The following ATM variants were observed in gnomAD, a reference collection of about 807,000 sequenced individuals.
ATM encodes ATM serine/threonine kinase, also known as serine-protein kinase ATM.
In ATM, 308 loss-of-function variants were observed where a neutral mutation model predicts 387.0. That is an observed-to-expected ratio of 0.80 (90% CI 0.73 to 0.87). The LOEUF is 0.87. ATM is among the 40% of genes least tolerant of loss of function. The pLI, the probability that ATM is intolerant of heterozygous loss-of-function variation, is 0.00. For missense variants in ATM, 3,312 were observed against 3,560.9 expected (o/e 0.93, Z 1.78); for synonymous variants, 1,156 against 1,187.3 (o/e 0.97, Z 0.54).
intron 31 of ATM, among the ~76,000 whole-genome samples, chr11:108,293,887 A>AT (rs1346550591): frequency 0.02 from 2,164 of 110,452 alleles, 25 homozygotes; most frequent in Admixed American, 0.039. Flanking sequence ...CAAAAAAAAA[A>AT]AAAAAAAATA....
At chr11:108,293,117 C>T (rs1409104486) in intron 30 of ATM, among the ~76,000 whole-genome samples, 196 bp from the exon 31 acceptor site, 1 of 152,052 alleles carries the variant, frequency 6.6e-6, no homozygotes, top group South Asian at 2.1e-4. Flanking sequence ...CCTCAGTACC[C>T]ATCTTGTAGT....
intron 47 of ATM, 106 bp from the exon 48 acceptor site, chr11:108,327,539 A>G: frequency 1.1e-6 from 1 of 896,052 alleles, no homozygotes; most frequent in East Asian, 2.7e-5. Context: ...TTTCCCACCC[A>G]CCAAGGAAAA....
At chr11:108,294,901 A>T (rs2135832645) in intron 31 of ATM, 26 bp from the exon 32 acceptor site, 1 of 1,612,944 alleles carries the variant, frequency 6.2e-7, no homozygotes, top group South Asian at 1.1e-5. Flanking sequence ...ATACGTGTTA[A>T]AAGCAAGTTA....
At chr11:108,359,181 G>T (rs2090405533) in intron 61 of ATM, among the ~76,000 whole-genome samples, 1 of 150,918 alleles carries the variant, frequency 6.6e-6, no homozygotes, top group African/African-American at 2.4e-5. Flanking sequence ...AACCAACAAA[G>T]ATCAAAAGAA....
chr11:108,244,801 T>C lies in ATM; in HGVS notation c.676T>C (p.Ser226Pro), dbSNP rs2135237106. ...AIQCARQEKS[S>P]SGLNHILAAL... Reference sequence around the variant, plus strand: ...GTTTCTTCACAGACAAGAAAAGAGCTCTTCAGGTCTAAATCATATCTTAGC... The same window carrying C: ...GTTTCTTCACAGACAAGAAAAGAGCCCTTCAGGTCTAAATCATATCTTAGC... The change falls in exon 7 of 63, where the codon TCT (serine) becomes CCT (proline). Residue 226 changes from serine (S) to proline (P), a missense_variant. Ser to Pro is a moderately conservative substitution (Grantham distance 74). This residue lies in a region of ATM where 1,791 missense variants were observed against 1,804.5 expected (regional missense o/e 0.99). Transcript: ENST00000675843. 1.9e-6 allele frequency: 3 copies of C among 1,613,538 alleles called. No individual in the cohort carries two copies. Among genetic ancestry groups the C allele is most frequent in the Non-Finnish European group, 2.5e-6 (3 of 1,179,714 alleles).
chr11:108,303,157 G>C, intron 36 of ATM, 128 bp downstream of exon 36: 1 of 990,168 alleles, frequency 1.0e-6, no homozygotes, highest in South Asian at 1.6e-5. Context: ...TTATTAAAGT[G>C]AGCATCCGTA....
intron 26 of ATM, among the ~76,000 whole-genome samples, chr11:108,285,151 G>C (rs763252302): frequency 6.6e-6 from 1 of 151,980 alleles, no homozygotes; most frequent in East Asian, 1.9e-4. Context: ...GTAGAGACGG[G>C]GTTTCACCAT....
At chr11:108,329,283 CTGAG>C (rs1277314480) in intron 49 of ATM, 45 bp downstream of exon 49, 15 of 1,513,966 alleles carry the variant, frequency 9.9e-6, no homozygotes, top group East Asian at 7.0e-5. Context: ...CACCAGTTAA[CTGAG>C]TGAGTGTTTT....
chr11:108,232,267 T>C (rs1308841588), intron 4 of ATM, among the ~76,000 whole-genome samples: 1 of 152,240 alleles, frequency 6.6e-6, no homozygotes, highest in Non-Finnish European at 1.5e-5. Context: ...AATTTGACTT[T>C]GTTACTTAAA....
At chr11:108,364,990 C>G (rs2137855840) in intron 61 of ATM, 92 bp from the exon 62 acceptor site, 1 of 1,452,660 alleles carries the variant, frequency 6.9e-7, no homozygotes. Flanking sequence ...TACCATGTGA[C>G]TGGCTTATTT....
At chr11:108,295,281 C>G in intron 32 of ATM, 1 of 541,852 alleles carries the variant, frequency 1.8e-6, no homozygotes, top group Non-Finnish European at 3.2e-6. Context: ...TTCTCTAAAC[C>G]CAAATATGAT....
chr11:108,237,535 T>C (rs758308466), intron 5 of ATM, among the ~76,000 whole-genome samples: 1 of 152,220 alleles, frequency 6.6e-6, no homozygotes, highest in Non-Finnish European at 1.5e-5. Context: ...TTACTTCTTA[T>C]AATTAGCTTT....
At chr11:108,260,883 G>A (rs555675307) in intron 16 of ATM, among the ~76,000 whole-genome samples, 4 of 152,296 alleles carry the variant, frequency 2.6e-5, no homozygotes, top group East Asian at 1.9e-4. Context: ...GGGGACGGAC[G>A]GCACCTGGAA....
chr11:108,368,844 C>A lies in ATM; in HGVS notation c.*3336C>A, dbSNP rs571703745. ...CCTAAAATGTATGCACTTAGGAATG[C>A]TAAAAATTTAAATATGGTCTAAAGC... On this transcript the variant is annotated 3_prime_UTR_variant, in exon 63 of 63. Coordinates refer to ENST00000675843, the MANE Select transcript of ATM (RefSeq NM_000051.4). The A allele has an allele frequency of 3.5e-5, 7 of 201,494 alleles. No homozygotes were observed. The East Asian group carries it at 4.6e-4, about 13-fold the overall frequency. 12.5% of individuals were successfully genotyped at this position (201,494 alleles called of 1,614,324 possible).
intron 40 of ATM, among the ~76,000 whole-genome samples, chr11:108,313,867 G>A (rs606275): frequency 0.63 from 96,013 of 151,954 alleles, 30,744 homozygotes; most frequent in Middle Eastern, 0.76. Flanking sequence ...ATAGTTCCTA[G>A]TTTTTTCTAT....
At position 108,326,115 on chromosome 11, in the gene ATM, T is replaced by C. The variant is rs2085653356; in HGVS notation, c.6865T>C (p.Ser2289Pro). ...KQYNSVSCGVSEWQLEEAQVF... is the reference protein window; with the variant it reads ...KQYNSVSCGVPEWQLEEAQVF... The stretch of plus-strand genomic sequence containing the variant: ...GTACAATTCAGTTAGCTGTGGAGTC[T>C]CTGAGTGGCAGCTGGAAGAAGCACA... The change falls in exon 47 of 63, where the codon TCT becomes CCT. Residue 2289 changes from serine (S) to proline (P), a missense_variant. Coordinates refer to ENST00000675843, the MANE Select transcript of ATM (RefSeq NM_000051.4). 6.2e-7 allele frequency: 1 copy of C among 1,614,166 alleles called. No homozygotes were observed. Among genetic ancestry groups the C allele is most frequent in the Non-Finnish European group, 8.5e-7 (1 of 1,180,006 alleles).
intron 15 of ATM, 76 bp from the exon 16 acceptor site, chr11:108,258,910 T>C (rs2080684956): frequency 1.7e-6 from 2 of 1,197,210 alleles, no homozygotes; most frequent in Non-Finnish European, 2.5e-6. Flanking sequence ...CCATTCAAGA[T>C]AGAGAAAACA....
At position 108,288,940 on chromosome 11, in the gene ATM, A is replaced by T. The variant is rs778523394; in HGVS notation, c.4110-37A>T. 177 of 1,612,748 alleles carry T rather than the reference A, an allele frequency of 1.1e-4. No individual in the cohort carries two copies. The highest frequency in any genetic ancestry group is 1.3e-4 in the Non-Finnish European group (157 of 1,179,350). ...CACTGGTCTATGAACAAAACTTTTT[A>T]AAACGATGACTGTATTTTTTCCCTT... On this transcript the variant is annotated intron_variant, in intron 27 of 62. Coordinates refer to ENST00000675843, the MANE Select transcript of ATM (RefSeq NM_000051.4).
chr11:108,239,652 A>T (rs2079461646), intron 5 of ATM, among the ~76,000 whole-genome samples: 1 of 152,154 alleles, frequency 6.6e-6, no homozygotes, highest in Admixed American at 6.5e-5. Flanking sequence ...TTGATTATAT[A>T]CCCAGAAGTA....
Sources: allele counts gnomAD v4.1 joint callset (sites outside exome capture counted in the v4.1 genomes callset), GRCh38; gene constraint gnomAD v4.1.1; regional missense constraint gnomAD v4.1.1; transcripts MANE v1.5; gene names NCBI Gene and HGNC (gene_info 2026-07-23, HGNC 2026-07-21).